SEC14L2: variants seen among roughly 807,000 people sequenced by gnomAD.
SEC14L2 encodes SEC14-like protein 2.
Under a neutral mutation model 56.9 loss-of-function variants are expected in SEC14L2, and 50 were observed. That is an observed-to-expected ratio of 0.88 (90% CI 0.70 to 1.11). The LOEUF (loss-of-function observed/expected upper bound fraction) is 1.11, where lower values mean the gene tolerates loss of function less well. SEC14L2 is among the 50% of genes most tolerant of loss of function. SEC14L2 has a pLI of 0.00. For synonymous variants in SEC14L2, 179 were observed against 188.5 expected, an observed-to-expected ratio of 0.95 and a Z score of 0.41; for missense variants, 414 against 500.7, an observed-to-expected ratio of 0.83 and a Z score of 1.65.
intron 4 of SEC14L2, 22 bp from the exon 5 acceptor site, chr22:30,407,393 G>T: frequency 6.2e-7 from 1 of 1,607,990 alleles, no homozygotes; most frequent in Non-Finnish European, 8.5e-7. Flanking sequence ...TGACCAGGTG[G>T]CTCCTCTGTG....
chr22:30,424,950 C>T lies in SEC14L2; in HGVS notation c.*2543C>T, dbSNP rs1934628946. 2.5e-6 allele frequency: 1 copy of T among 402,636 alleles called. No homozygotes were observed. Among genetic ancestry groups the T allele is most frequent in the Non-Finnish European group, 5.0e-6 (1 of 199,446 alleles). The allele number at this position is 402,636 out of a possible 1,614,324, so 24.9% of individuals were successfully genotyped here. On this transcript the variant is annotated 3_prime_UTR_variant, in exon 12 of 12. Coordinates refer to ENST00000615189, the MANE Select transcript of SEC14L2 (RefSeq NM_012429.5). The stretch of plus-strand genomic sequence containing the variant: ...CCAAGAAGCTCAGTCTGGGGACATA[C>T]TGATCCAGTTAAATGCGAGTGCTTC...
intron 5 of SEC14L2, among the ~76,000 whole-genome samples, chr22:30,408,813 C>A (rs1569208119): frequency 1.3e-5 from 2 of 152,214 alleles, no homozygotes; most frequent in Admixed American, 6.5e-5. Flanking sequence ...TGGATGCACC[C>A]CTGAGGGTTC....
rs1441838970 is a variant in SEC14L2, at chr22:30,424,852, A to G, written c.*2445A>G. 2.2e-6 allele frequency: 1 copy of G among 456,290 alleles called. No individual in the cohort carries two copies. Among genetic ancestry groups the G allele is most frequent in the Non-Finnish European group, 4.4e-6 (1 of 226,834 alleles). The allele number at this position is 456,290 out of a possible 1,614,324, so 28.3% of individuals were successfully genotyped here. On this transcript the variant is annotated 3_prime_UTR_variant, in exon 12 of 12. Transcript: ENST00000615189. ...GCGGGGGAAGGCTTCCTCCTGTTGT[A>G]ATCACTAACCCCAACTCTGTCTCCC...
chr22:30,422,216 C>T (rs939544067), intron 11 of SEC14L2, 61 bp from the exon 12 acceptor site: 2 of 1,596,110 alleles, frequency 1.3e-6, no homozygotes, highest in Non-Finnish European at 1.7e-6. Context: ...ACAAAAATCA[C>T]TGTCCCCAAG....
chr22:30,401,416 C>A (rs1271430004), intron 2 of SEC14L2, among the ~76,000 whole-genome samples: 1 of 151,864 alleles, frequency 6.6e-6, no homozygotes, highest in Admixed American at 6.6e-5. Flanking sequence ...AAACTCCTGA[C>A]CTCAGGTGAT....
At position 30,401,765 on chromosome 22, in the gene SEC14L2, T is replaced by C. The variant is rs187499596; in HGVS notation, c.130+2047T>C. 1.1e-3 allele frequency among the ~76,000 whole-genome samples: 163 copies of C among 151,196 alleles called. 4 individuals carry two copies. In the East Asian group the frequency reaches 0.026, roughly 24 times the overall value. ...CTCGAATTCCTGACCTCATGATCCATCCGCCTTGGCCTATTTTTACTTTTG... is the reference window on the plus strand; with the variant it reads ...CTCGAATTCCTGACCTCATGATCCACCCGCCTTGGCCTATTTTTACTTTTG... On this transcript the variant is annotated intron_variant, in intron 2 of 11. Transcript: ENST00000615189.
intron 2 of SEC14L2, among the ~76,000 whole-genome samples, chr22:30,401,584 GC>G (rs1933936782): frequency 6.6e-6 from 1 of 151,336 alleles, no homozygotes; most frequent in Non-Finnish European, 1.5e-5. Flanking sequence ...TGCGATCTCG[GC>G]TCACTGCAAC....
chr22:30,423,654 G>T lies in SEC14L2; in HGVS notation c.*1247G>T, dbSNP rs1325783383. 6.6e-6 allele frequency: 1 copy of T among 152,410 alleles called. No homozygotes were observed. Among genetic ancestry groups the T allele is most frequent in the Non-Finnish European group, 1.5e-5 (1 of 68,164 alleles). The allele number at this position is 152,410 out of a possible 1,614,324, so 9.4% of individuals were successfully genotyped here. A position where few individuals can be genotyped will look rare whatever the true frequency, so the allele number is the denominator to read the frequency against. On this transcript the variant is annotated 3_prime_UTR_variant, in exon 12 of 12. Coordinates refer to ENST00000615189, the MANE Select transcript of SEC14L2 (RefSeq NM_012429.5). ...CGGGAACGCCTTTCCCTCAGAGCCA[G>T]GCCCCGGCCCCGTCTGGGAAGCTCA...
At chr22:30,405,238 G>T (rs551162417) in intron 2 of SEC14L2, among the ~76,000 whole-genome samples, 1 of 152,254 alleles carries the variant, frequency 6.6e-6, no homozygotes, top group South Asian at 2.1e-4. Context: ...AGTCTCTAAG[G>T]ATGGGCAGCA....
chr22:30,422,317 CAAG>C lies in SEC14L2; in HGVS notation c.1126_1128del (p.Lys376del), dbSNP rs756706654. The C allele has an allele frequency of 5.0e-6, 8 of 1,614,152 alleles. No homozygotes were observed. In the East Asian group the frequency reaches 8.9e-5, roughly 18 times the overall value. On this transcript the variant is annotated inframe_deletion, in exon 12 of 12. Coordinates refer to ENST00000615189, the MANE Select transcript of SEC14L2 (RefSeq NM_012429.5). ...ACAACACCTACAGCTTCATTCATGCCAAGAAGGTCAATTTCACTGTGGAGGTCC... is the reference window on the plus strand; with the variant it reads ...ACAACACCTACAGCTTCATTCATGCCAAGGTCAATTTCACTGTGGAGGTCC...
intron 8 of SEC14L2, among the ~76,000 whole-genome samples, chr22:30,413,802 G>A (rs932061036): frequency 1.4e-5 from 2 of 144,998 alleles, no homozygotes. Context: ...CTCAAGCTCT[G>A]TTTTTTTTTT....
In SEC14L2 at chr22:30,422,377, G is replaced by GA; in HGVS notation, c.1185dup (p.Gln396ThrfsTer38). On this transcript the variant is annotated frameshift_variant, in exon 12 of 12. Transcript: ENST00000615189. LOFTEE classifies it high-confidence loss of function. ...CAGACAAAGCCTCAGAAGAGAAGAT[G>GA]AAACAGCTGGGGGCAGGCACCCCGA... The GA allele has an allele frequency of 6.2e-7, 1 of 1,614,202 alleles. No homozygotes were observed. Among genetic ancestry groups the GA allele is most frequent in the Non-Finnish European group, 8.5e-7 (1 of 1,180,032 alleles).
In SEC14L2 at chr22:30,422,410, C is replaced by T. The variant is rs1299611624; in HGVS notation, c.*3C>T. 6.2e-7 allele frequency: 1 copy of T among 1,614,056 alleles called. No individual in the cohort carries two copies. The highest frequency in any genetic ancestry group is 8.5e-7 in the Non-Finnish European group (1 of 1,180,010). ...TGGGGGCAGGCACCCCGAAATAACA[C>T]CTTCTCCTATAGCAGGCCTGGCCCC... is the stretch of plus-strand genomic sequence containing the variant. On this transcript the variant is annotated 3_prime_UTR_variant, in exon 12 of 12. Coordinates refer to ENST00000615189, the MANE Select transcript of SEC14L2 (RefSeq NM_012429.5).
At chr22:30,417,543 C>T (rs1237538221) in intron 11 of SEC14L2, among the ~76,000 whole-genome samples, 1 of 115,794 alleles carries the variant, frequency 8.6e-6, no homozygotes, top group Admixed American at 9.7e-5. Flanking sequence ...ACCTAAGCTT[C>T]GGTTTCCGGA....
intron 8 of SEC14L2, among the ~76,000 whole-genome samples, chr22:30,413,666 T>C (rs1934311900): frequency 6.6e-6 from 1 of 152,180 alleles, no homozygotes; most frequent in Admixed American, 6.5e-5. Flanking sequence ...ACAATGTTCA[T>C]CTTTTGGTGA....
chr22:30,397,704 G>A (rs1933795827), intron 1 of SEC14L2: 1 of 363,730 alleles, frequency 2.7e-6, no homozygotes, highest in Admixed American at 3.5e-5. Flanking sequence ...TGAGGAGGTT[G>A]GACCAGATGA....
chr22:30,416,375 G>GA lies in SEC14L2; in HGVS notation c.1054dup (p.Thr352AsnfsTer6), dbSNP rs1569211341. On this transcript the variant is annotated frameshift_variant, in exon 11 of 12. Coordinates refer to ENST00000615189, the MANE Select transcript of SEC14L2 (RefSeq NM_012429.5). LOFTEE classifies it high-confidence loss of function. ...ACTCCCACCTGGTCCCTGAAGATGG[G>GA]ACCCTCACCTGCAGTGATCCTGGCA... The GA allele has an allele frequency of 6.2e-7, 1 of 1,614,192 alleles. No homozygotes were observed.
chr22:30,399,609 G>A, intron 1 of SEC14L2, 34 bp from the exon 2 acceptor site: 2 of 1,582,986 alleles, frequency 1.3e-6, no homozygotes, highest in African/African-American at 1.3e-5. Context: ...GTCAGGGCGG[G>A]CCCTACCACT....
At position 30,399,797 on chromosome 22, in the gene SEC14L2, C is replaced by T. The variant is rs150949336; in HGVS notation, c.130+79C>T. The stretch of plus-strand genomic sequence containing the variant: ...GAATAGCACCCTCTGAAAACCCTGC[C>T]CTTGGCAATTGAGGCATCTAGAGTG... On this transcript the variant is annotated intron_variant, in intron 2 of 11. Transcript: ENST00000615189. 1,084 of 1,325,254 alleles carry T rather than the reference C, an allele frequency of 8.2e-4. 10 individuals are homozygous for T. In the African/African-American group the frequency reaches 0.013, roughly 16 times the overall value. The allele number at this position is 1,325,254 out of a possible 1,614,324, so 82.1% of individuals were successfully genotyped here. A position where few individuals can be genotyped will look rare whatever the true frequency, so the allele number is the denominator to read the frequency against.
Sources: allele counts gnomAD v4.1 joint callset (sites outside exome capture counted in the v4.1 genomes callset), GRCh38; gene constraint gnomAD v4.1.1; transcripts MANE v1.5; gene names NCBI Gene and HGNC (gene_info 2026-07-23, HGNC 2026-07-21).